CGN: variants seen among roughly 807,000 people sequenced by gnomAD.
The protein encoded by CGN is cingulin.
CGN carries 121 observed loss-of-function variants against 157.1 expected under a neutral mutation model. That is an observed-to-expected ratio of 0.77 (90% CI 0.66 to 0.90). The LOEUF is 0.90. CGN is among the 40% of genes least tolerant of loss of function. CGN has a pLI of 0.00. For missense variants in CGN, 1,424 were observed against 1,520.9 expected (o/e 0.94, Z 1.06); for synonymous variants, 535 against 607.5 (o/e 0.88, Z 1.76).
chr1:151,532,577 A>C lies in CGN; in HGVS notation c.2742+5A>C. ...CTGAGCCGACTTCAGGATGAGGTAG[A>C]AGTCTAATATCCTTGGGTTTGAAGG... On this transcript the variant is annotated splice_donor_5th_base_variant and intron_variant, in intron 14 of 20. Coordinates refer to ENST00000271636, the MANE Select transcript of CGN (RefSeq NM_020770.3). 1 of 1,496,820 alleles carries C rather than the reference A, an allele frequency of 6.7e-7. No individual in the cohort carries two copies. Among genetic ancestry groups the C allele is most frequent in the Non-Finnish European group, 8.9e-7 (1 of 1,125,080 alleles). The allele number at this position is 1,496,820 out of a possible 1,614,324, so 92.7% of individuals were successfully genotyped here.
At chr1:151,528,632 G>C (rs1664756016) in intron 10 of CGN, among the ~76,000 whole-genome samples, 1 of 151,966 alleles carries the variant, frequency 6.6e-6, no homozygotes, top group Admixed American at 6.6e-5. Flanking sequence ...GTCCAGGCTG[G>C]TTTTGAACTC....
In CGN at chr1:151,536,840, T is replaced by C. The variant is rs1361084832; in HGVS notation, c.3417T>C (p.His1139=). The change falls in exon 20 of 21, where the codon CAT becomes CAC. Residue 1139 remains histidine (H), a synonymous_variant. Coordinates refer to ENST00000271636, the MANE Select transcript of CGN (RefSeq NM_020770.3). ...CCCAGCGTGAGGTGGAGGAGCAGCA[T>C]GAGGTCAATGAACAGCTCCAGGCCC... ...KKAQREVEEQ[H]EVNEQLQARI... 6.2e-6 allele frequency: 10 copies of C among 1,614,024 alleles called. No homozygotes were observed. Among genetic ancestry groups the C allele is most frequent in the Non-Finnish European group, 8.5e-6 (10 of 1,179,986 alleles).
chr1:151,529,593 A>G, intron 11 of CGN, 34 bp downstream of exon 11: 2 of 1,580,318 alleles, frequency 1.3e-6, no homozygotes, highest in East Asian at 2.3e-5. Flanking sequence ...TAGGAGGTGG[A>G]GGCTGAGGGT....
chr1:151,537,230 G>A lies in CGN; in HGVS notation c.3496G>A (p.Glu1166Lys), dbSNP rs1377182646. The change falls in exon 21 of 21, where the codon GAG (glutamate) becomes AAG (lysine). Residue 1166 changes from glutamate to lysine, a missense_variant. Physicochemically the swap from Glu to Lys is moderately conservative, Grantham distance 56. Transcript: ENST00000271636. ...GCGCAAAGCTTCCCGCTCAGCTGCT[G>A]AGTCAGCTCTCAAAAACGAAGGGCT... ...SWRKASRSAA[E>K]SALKNEGLSS... 9.3e-6 allele frequency: 15 copies of A among 1,613,906 alleles called. No individual in the cohort carries two copies. Among genetic ancestry groups the A allele is most frequent in the Non-Finnish European group, 1.2e-5 (14 of 1,179,990 alleles).
rs1664592893 is a variant in CGN at position 151,523,573 on chromosome 1, TG to T, written c.1268+14del. 6.3e-7 allele frequency: 1 copy of T among 1,597,310 alleles called. No individual in the cohort carries two copies. The highest frequency in any genetic ancestry group is 1.3e-5 in the African/African-American group (1 of 74,394). ...CAGAGCAACAAGGAGTGAGTGCAGC[TG>T]GTGGCGCACCTCGGGCTGCTTGGGG... On this transcript the variant is annotated intron_variant, in intron 6 of 20. Coordinates refer to ENST00000271636, the MANE Select transcript of CGN (RefSeq NM_020770.3).
At position 151,518,550 on chromosome 1, in the gene CGN, C is replaced by T. The variant is rs144766457; in HGVS notation, c.31C>T (p.Arg11Trp). 1.7e-3 allele frequency: 2,815 copies of T among 1,610,464 alleles called. 31 individuals are homozygous for T. The Middle Eastern group carries it at 0.019, about 11-fold the overall frequency. The change falls in exon 2 of 21, where the codon CGG becomes TGG. Residue 11 changes from arginine (R) to tryptophan (W), a missense_variant. Arg to Trp is a moderately radical substitution (Grantham distance 101). Transcript: ENST00000271636. MEQAPNMAEPRGPVDHGVQIR... is the reference protein window; with the variant it reads MEQAPNMAEPWGPVDHGVQIR... ...GCAGGCACCCAACATGGCTGAGCCCCGGGGCCCCGTAGACCATGGAGTCCA... is the reference window on the plus strand; with the variant it reads ...GCAGGCACCCAACATGGCTGAGCCCTGGGGCCCCGTAGACCATGGAGTCCA...
chr1:151,534,407 GT>G (rs1403700749), intron 15 of CGN: 1 of 461,394 alleles, frequency 2.2e-6, no homozygotes. Context: ...TGAGCAGTGG[GT>G]TTCCCCTTTA....
intron 1 of CGN, among the ~76,000 whole-genome samples, chr1:151,514,539 G>A (rs1418043435): frequency 1.3e-5 from 2 of 152,138 alleles, no homozygotes; most frequent in Non-Finnish European, 2.9e-5. Flanking sequence ...GTGGGCTTTA[G>A]TTCAGGATAC....
intron 14 of CGN, among the ~76,000 whole-genome samples, chr1:151,533,419 T>C (rs1056798491): frequency 1.3e-5 from 2 of 151,210 alleles, no homozygotes; most frequent in Non-Finnish European, 2.9e-5. Context: ...GAGGTTGCAG[T>C]GAGCCGCGAT....
chr1:151,520,652 A>C lies in CGN; in HGVS notation c.1101A>C (p.Lys367Asn), dbSNP rs1664525231. ...AVAGQGELTR[K>N]VEELQRKLDE... ...CAGGGCAGGGTGAGCTTACCCGAAAAGTGGAGGAGCTACAGCGAAAGCTGG... is the reference window on the plus strand; with the variant it reads ...CAGGGCAGGGTGAGCTTACCCGAAACGTGGAGGAGCTACAGCGAAAGCTGG... The change falls in exon 5 of 21, where the codon AAA (lysine) becomes AAC (asparagine). Residue 367 changes from lysine to asparagine, a missense_variant. By Grantham distance (94) the Lys-to-Asn change is moderately conservative. Transcript: ENST00000271636. 1 of 1,614,174 alleles carries C rather than the reference A, an allele frequency of 6.2e-7. No homozygotes were observed. The highest frequency in any genetic ancestry group is 8.5e-7 in the Non-Finnish European group (1 of 1,180,012).
At position 151,536,719 on chromosome 1, in the gene CGN, A is replaced by G. The variant is rs901826474; in HGVS notation, c.3307-11A>G. 1 of 1,614,018 alleles carries G rather than the reference A, an allele frequency of 6.2e-7. No homozygotes were observed. Among genetic ancestry groups the G allele is most frequent in the South Asian group, 1.1e-5 (1 of 91,068 alleles). On this transcript the variant is annotated splice_polypyrimidine_tract_variant and intron_variant, in intron 19 of 20. Transcript: ENST00000271636. ...TGCTATTCAGATGTGTGGACTTGGT[A>G]TCCTGCCCAGCTAAGCCTGAGGGTG...
At position 151,524,701 on chromosome 1, in the gene CGN, G is replaced by C. The variant is rs759414315; in HGVS notation, c.1429G>C (p.Glu477Gln). 1.2e-6 allele frequency: 2 copies of C among 1,609,292 alleles called. No homozygotes were observed. Among genetic ancestry groups the C allele is most frequent in the South Asian group, 2.2e-5 (2 of 90,684 alleles). Residue 477 changes from glutamate (E) to glutamine (Q), a missense_variant, in exon 8 of 21, where the codon GAA becomes CAA. Physicochemically the swap from Glu to Gln is conservative, Grantham distance 29 (BLOSUM62 2). This residue lies in a region of CGN where 1,187 missense variants were observed against 1,217.6 expected (regional missense o/e 0.97). Coordinates refer to ENST00000271636, the MANE Select transcript of CGN (RefSeq NM_020770.3). The surrounding 1 kb of genome is among the most constrained non-coding windows in gnomAD (Gnocchi z 4.4). ...KDLLETRELL[E>Q]EVLEGKQRVE... ...CCTGTTAGAGACCCGGGAACTTCTGGAAGAGGTCTTGGAGGGGAAACAGCG... is the reference window on the plus strand; with the variant it reads ...CCTGTTAGAGACCCGGGAACTTCTGCAAGAGGTCTTGGAGGGGAAACAGCG...
rs762656948 is a variant in CGN at position 151,530,701 on chromosome 1, G to A, written c.2526G>A (p.Glu842=). 2.6e-6 allele frequency: 4 copies of A among 1,555,940 alleles called. No individual in the cohort carries two copies. The highest frequency in any genetic ancestry group is 3.5e-6 in the Non-Finnish European group (4 of 1,149,076). Reference sequence around the variant, plus strand: ...GGCGAGGCAAGGCTGAGCTGGAGGAGCAGAAGCGTTTGCTGGACAGGACTG... The same window carrying A: ...GGCGAGGCAAGGCTGAGCTGGAGGAACAGAAGCGTTTGCTGGACAGGACTG... The part of the protein sequence containing the change: ...VLRRGKAELE[E]QKRLLDRTVD... The change falls in exon 13 of 21, where the codon GAG becomes GAA. Residue 842 remains glutamate (E), a synonymous_variant. Coordinates refer to ENST00000271636, the MANE Select transcript of CGN (RefSeq NM_020770.3).
upstream of CGN, chr1:151,510,860 T>TA (rs925706294): frequency 6.6e-6 from 1 of 152,044 alleles, no homozygotes; most frequent in African/African-American, 2.4e-5. Context: ...GGCCACAAGA[T>TA]AAAAGAGAAT....
At chr1:151,528,419 G>GTTTTT (rs55965905) in intron 10 of CGN, among the ~76,000 whole-genome samples, 1 of 148,110 alleles carries the variant, frequency 6.8e-6, no homozygotes. Context: ...AATCCAATGG[G>GTTTTT]TTTTTTTTTT....
In CGN at chr1:151,524,548, T is replaced by TC; in HGVS notation, c.1402-124dup. 1 of 1,165,984 alleles carries TC rather than the reference T, an allele frequency of 8.6e-7. No homozygotes were observed. The highest frequency in any genetic ancestry group is 1.2e-6 in the Non-Finnish European group (1 of 817,762). The allele number at this position is 1,165,984 out of a possible 1,614,324, so 72.2% of individuals were successfully genotyped here. On this transcript the variant is annotated intron_variant, in intron 7 of 20. Coordinates refer to ENST00000271636, the MANE Select transcript of CGN (RefSeq NM_020770.3). The surrounding 1 kb of genome is among the most constrained non-coding windows in gnomAD (Gnocchi z 4.4). ...ATAAAGGAAACCTATCATTCTGGGC[T>TC]CCAGTACTGGTACTAGAGCACCTGG...
chr1:151,518,416 T>A, intron 1 of CGN, 90 bp from the exon 2 acceptor site: 2 of 1,097,740 alleles, frequency 1.8e-6, no homozygotes, highest in Non-Finnish European at 2.6e-6. Flanking sequence ...GTTTATCTAG[T>A]AGGAACTGAC....
intron 3 of CGN, 64 bp downstream of exon 3, chr1:151,520,330 C>A: frequency 1.9e-6 from 3 of 1,570,112 alleles, no homozygotes; most frequent in Non-Finnish European, 2.6e-6. Flanking sequence ...AGCTTTGTTT[C>A]CCATCTTCCC....
At chr1:151,531,806 A>G (rs987008629) in intron 13 of CGN, among the ~76,000 whole-genome samples, 2 of 152,200 alleles carry the variant, frequency 1.3e-5, no homozygotes, top group African/African-American at 2.4e-5. Context: ...TAAAGTGCAC[A>G]TTTTATCATT....
Sources: allele counts gnomAD v4.1 joint callset (sites outside exome capture counted in the v4.1 genomes callset), GRCh38; gene constraint gnomAD v4.1.1; regional missense constraint gnomAD v4.1.1; non-coding constraint Gnocchi (gnomAD v3.1); transcripts MANE v1.5; gene names NCBI Gene and HGNC (gene_info 2026-07-23, HGNC 2026-07-21).